Variants in IL1RAPL1 observed in about 807,000 individuals in gnomAD.
IL1RAPL1 encodes interleukin 1 receptor accessory protein like 1.
A neutral mutation model predicts 48.4 loss-of-function variants in IL1RAPL1; 3 were observed. The ratio of observed to expected loss-of-function variants is 0.06; its 90% CI spans 0.03 to 0.16. The LOEUF is 0.16. Among genes scored for constraint, IL1RAPL1 ranks in the 10% least tolerant of loss-of-function variants. The probability of loss-of-function intolerance (pLI) is 1.00; values close to 1 mark genes in which losing one functional copy is unlikely to be tolerated. For missense variants in IL1RAPL1, 349 were observed against 530.6 expected (o/e 0.66, Z 3.36); for synonymous variants, 185 against 187.7 (o/e 0.99, Z 0.12).
chrX:29,852,651 A>G (rs1295274414), intron 6 of IL1RAPL1, among the ~76,000 whole-genome samples: 3 of 112,054 alleles, frequency 2.7e-5, no homozygotes, highest in Admixed American at 9.5e-5. Context: ...ACTCATCAGC[A>G]ACTATCTATA....
intron 6 of IL1RAPL1, among the ~76,000 whole-genome samples, chrX:29,812,458 G>C (rs892033665): frequency 1.8e-5 from 2 of 111,062 alleles, no homozygotes; most frequent in Admixed American, 9.6e-5. Flanking sequence ...CTCTCATAGA[G>C]GATTTGAAGC....
At chrX:28,893,493 G>A (rs1010212052) in intron 2 of IL1RAPL1, among the ~76,000 whole-genome samples, 1 of 111,496 alleles carries the variant, frequency 9.0e-6, no homozygotes, top group Non-Finnish European at 1.9e-5. Flanking sequence ...CTTAGACCCT[G>A]TGGGAAAGGC....
chrX:28,620,647 T>G (rs962813042), intron 1 of IL1RAPL1, among the ~76,000 whole-genome samples: 3 of 112,090 alleles, frequency 2.7e-5, no homozygotes, highest in African/African-American at 9.7e-5. Context: ...GAGCCTGATT[T>G]ATCCCCTTTT....
Position 29,396,364 on chromosome X carries a change from A to C in IL1RAPL1, c.469A>C (p.Ser157Arg). The part of the protein sequence containing the change: ...KMKYFEKAEL[S>R]KSKEISCRDI... ...GAAGTATTTTGAAAAAGCTGAACTT[A>C]GCAAAAGCAAGGAAATTTCATGCCG... Residue 157 changes from serine to arginine, a missense_variant, in exon 4 of 11, where the codon AGC becomes CGC. Transcript: ENST00000378993. 8.3e-7 allele frequency: 1 copy of C among 1,211,078 alleles called. No homozygotes were observed. The highest frequency in any genetic ancestry group is 3.0e-5 in the East Asian group (1 of 33,827).
At chrX:29,919,374 C>T (rs1442115420) in intron 7 of IL1RAPL1, among the ~76,000 whole-genome samples, 1 of 111,921 alleles carries the variant, frequency 8.9e-6, no homozygotes, top group Non-Finnish European at 1.9e-5. Flanking sequence ...GAGATGACAA[C>T]GAGGTTAGTG....
chrX:28,815,880 T>C (rs1484772106), intron 2 of IL1RAPL1, among the ~76,000 whole-genome samples: 1 of 77,802 alleles, frequency 1.3e-5, no homozygotes, highest in Non-Finnish European at 2.5e-5. Context: ...TATATATATA[T>C]ATATAATTTT....
At chrX:29,615,326 A>G (rs1425028823) in intron 5 of IL1RAPL1, among the ~76,000 whole-genome samples, 2 of 111,376 alleles carry the variant, frequency 1.8e-5, no homozygotes, top group African/African-American at 6.6e-5. Context: ...GATTATTTCC[A>G]TCAAAAATAT....
chrX:29,120,274 A>G (rs1602065839), intron 2 of IL1RAPL1, among the ~76,000 whole-genome samples: 1 of 111,920 alleles, frequency 8.9e-6, no homozygotes, highest in Middle Eastern at 4.6e-3. Context: ...TAGCTTAGAG[A>G]CTTACATTTA....
intron 1 of IL1RAPL1, among the ~76,000 whole-genome samples, chrX:28,722,021 G>A (rs1935590543): frequency 9.0e-6 from 1 of 111,461 alleles, no homozygotes; most frequent in Non-Finnish European, 1.9e-5. Context: ...TTTGAAGTCA[G>A]GTAGCATGAT....
chrX:29,128,143 A>G (rs1357109629), intron 2 of IL1RAPL1, among the ~76,000 whole-genome samples: 1 of 110,940 alleles, frequency 9.0e-6, no homozygotes, highest in East Asian at 2.8e-4. Context: ...CATTGAGGAA[A>G]TTGAAGAACA....
chrX:29,949,313 C>A (rs1286753889), intron 9 of IL1RAPL1, among the ~76,000 whole-genome samples: 1 of 112,036 alleles, frequency 8.9e-6, no homozygotes, highest in Non-Finnish European at 1.9e-5. Context: ...AACATCAAAG[C>A]TTTTAGTTAA....
intron 5 of IL1RAPL1, among the ~76,000 whole-genome samples, chrX:29,605,099 C>CACAG (rs1387698453): frequency 1.9e-5 from 2 of 104,319 alleles, no homozygotes; most frequent in African/African-American, 7.0e-5. Context: ...CACACACACA[C>CACAG]ACACACACAC....
intron 6 of IL1RAPL1, among the ~76,000 whole-genome samples, chrX:29,816,780 C>G (rs866478393): frequency 4.4e-4 from 49 of 110,725 alleles, no homozygotes; most frequent in East Asian, 2.3e-3. Context: ...TCCTCCCCCC[C>G]CACTGAAATT....
intron 2 of IL1RAPL1, among the ~76,000 whole-genome samples, chrX:29,005,075 G>A (rs1241313068): frequency 9.0e-6 from 1 of 111,683 alleles, no homozygotes; most frequent in Non-Finnish European, 1.9e-5. Flanking sequence ...GAAATCAATG[G>A]AATTTTCAAG....
At chrX:28,675,275 GT>G (rs1031960557) in intron 1 of IL1RAPL1, among the ~76,000 whole-genome samples, 1 of 111,839 alleles carries the variant, frequency 8.9e-6, no homozygotes, top group Non-Finnish European at 1.9e-5. Context: ...CATCTTTCCT[GT>G]TGCTTGCACT....
At chrX:28,960,913 G>A (rs1184395474) in intron 2 of IL1RAPL1, among the ~76,000 whole-genome samples, 2 of 105,442 alleles carry the variant, frequency 1.9e-5, no homozygotes, top group Admixed American at 1.1e-4. Context: ...GGGAGTCTGA[G>A]GCAGGAGAAT....
At chrX:28,833,105 C>A (rs1921110887) in intron 2 of IL1RAPL1, among the ~76,000 whole-genome samples, 1 of 110,855 alleles carries the variant, frequency 9.0e-6, no homozygotes, top group Non-Finnish European at 1.9e-5. Context: ...AGGATGATGG[C>A]CTCTAGCTGC....
chrX:29,545,005 T>C (rs766232247), intron 5 of IL1RAPL1, among the ~76,000 whole-genome samples: 28 of 110,204 alleles, frequency 2.5e-4, no homozygotes, highest in Non-Finnish European at 4.4e-4. Flanking sequence ...AGAGACCATA[T>C]AAAGACACAA....
chrX:29,278,707 G>C (rs921536825), intron 2 of IL1RAPL1, among the ~76,000 whole-genome samples: 1 of 112,503 alleles, frequency 8.9e-6, no homozygotes, highest in African/African-American at 3.2e-5. Flanking sequence ...AATCAACAGT[G>C]TCTAGAAATA....
Sources: allele counts gnomAD v4.1 joint callset (sites outside exome capture counted in the v4.1 genomes callset), GRCh38; gene constraint gnomAD v4.1.1; transcripts MANE v1.5; gene names NCBI Gene and HGNC (gene_info 2026-07-23, HGNC 2026-07-21).